SCMH1: variants seen among roughly 807,000 people sequenced by gnomAD.
SCMH1 encodes the protein polycomb protein SCMH1.
Under a neutral mutation model 70.8 loss-of-function variants are expected in SCMH1, and 37 were observed. The observed-to-expected ratio is 0.52, with a 90% CI of 0.40 to 0.69. The LOEUF (loss-of-function observed/expected upper bound fraction) is 0.69. Among genes scored for constraint, SCMH1 ranks in the 30% least tolerant of loss-of-function variants. The pLI is 0.00. For synonymous variants in SCMH1, 292 were observed against 307.4 expected (o/e 0.95, Z 0.52); for missense variants, 607 against 827.3 (o/e 0.73, Z 3.27).
chr1:41,085,251 A>C lies in SCMH1; in HGVS notation c.746-9800T>G, dbSNP rs541337378. On this transcript the variant is annotated intron_variant, in intron 8 of 14. Transcript: ENST00000337495. ...AAAGATAATTCAATATTAGGAAATC[A>C]ATCAACAGACCTTATTAATAGGTCT... Among the ~76,000 whole-genome samples the C allele has an allele frequency of 1.4e-4, 21 of 152,248 alleles. No homozygotes were observed. In the South Asian group the frequency reaches 4.3e-3, roughly 32 times the overall value.
intron 8 of SCMH1, among the ~76,000 whole-genome samples, chr1:41,101,384 C>G (rs541471475): frequency 6.6e-6 from 1 of 152,116 alleles, no homozygotes; most frequent in Non-Finnish European, 1.5e-5. Context: ...AGCCCCAGCA[C>G]TCTAAGACTC....
At chr1:41,072,936 G>C (rs1053047395) in intron 9 of SCMH1, among the ~76,000 whole-genome samples, 3 of 152,156 alleles carry the variant, frequency 2.0e-5, no homozygotes, top group African/African-American at 7.2e-5. Context: ...TACACTTGTA[G>C]GGGTAGGCAA....
At chr1:41,210,488 T>C (rs577122511) in intron 1 of SCMH1, among the ~76,000 whole-genome samples, 1 of 152,160 alleles carries the variant, frequency 6.6e-6, no homozygotes, top group Non-Finnish European at 1.5e-5. Flanking sequence ...CAAAACAGCA[T>C]GGTACTGGTA....
chr1:41,094,570 G>C (rs561306713), intron 8 of SCMH1, among the ~76,000 whole-genome samples: 1 of 152,044 alleles, frequency 6.6e-6, no homozygotes, highest in African/African-American at 2.4e-5. Context: ...CTCCCTCTTA[G>C]TGGTAGATAA....
intron 6 of SCMH1, among the ~76,000 whole-genome samples, chr1:41,128,782 A>G (rs1673876867): frequency 6.6e-6 from 1 of 152,058 alleles, no homozygotes; most frequent in Non-Finnish European, 1.5e-5. Context: ...CTCCAGTTAT[A>G]TATGTTATAG....
chr1:41,224,819 C>T (rs1292123145), intron 1 of SCMH1, among the ~76,000 whole-genome samples: 1 of 152,140 alleles, frequency 6.6e-6, no homozygotes, highest in Non-Finnish European at 1.5e-5. Flanking sequence ...CCTCACAATT[C>T]TGCAGGGTAC....
chr1:41,046,125 G>C (rs985535573), intron 12 of SCMH1, among the ~76,000 whole-genome samples: 1 of 152,208 alleles, frequency 6.6e-6, no homozygotes, highest in African/African-American at 2.4e-5. Flanking sequence ...TCCACATGCA[G>C]TCTGAAACTC....
Position 41,151,468 on chromosome 1 carries a change from T to A in SCMH1, c.177+146A>T, listed in dbSNP as rs897110870. On this transcript the variant is annotated intron_variant, in intron 5 of 14. Coordinates refer to ENST00000337495, the Ensembl canonical transcript of SCMH1. ...AAAACTCACAGTGACCAAATTTTAC[T>A]TCTTGAGCTGTGTTCTTCCCATAGA... 1.8e-5 allele frequency: 9 copies of A among 509,438 alleles called. No individual in the cohort carries two copies. In the East Asian group the frequency reaches 2.9e-4, roughly 17 times the overall value. 31.6% of individuals were successfully genotyped at this position (509,438 alleles called of 1,614,324 possible).
chr1:41,176,585 G>A (rs533985267), intron 2 of SCMH1, among the ~76,000 whole-genome samples: 24 of 152,284 alleles, frequency 1.6e-4, no homozygotes, highest in African/African-American at 4.6e-4. Context: ...CTTAGCAAAC[G>A]GCACACCAGG....
chr1:41,069,658 T>C (rs1655805251), intron 10 of SCMH1, among the ~76,000 whole-genome samples: 1 of 152,226 alleles, frequency 6.6e-6, no homozygotes. Context: ...TTTGGACTAA[T>C]CCTATCATTG....
intron 6 of SCMH1, among the ~76,000 whole-genome samples, chr1:41,127,145 T>C (rs868660170): frequency 5.3e-5 from 8 of 152,214 alleles, no homozygotes; most frequent in Admixed American, 4.6e-4. Context: ...CTGAGGACCA[T>C]TTGTATATCT....
chr1:41,058,467 G>A (rs576459378), intron 10 of SCMH1, among the ~76,000 whole-genome samples: 17 of 125,022 alleles, frequency 1.4e-4, no homozygotes, highest in African/African-American at 4.3e-4. Context: ...TGCAACCTCC[G>A]CCTCCTGGGT....
intron 10 of SCMH1, among the ~76,000 whole-genome samples, chr1:41,060,874 T>C (rs533033083): frequency 1.3e-5 from 2 of 152,256 alleles, no homozygotes; most frequent in South Asian, 4.2e-4. Flanking sequence ...TGCCAAGACC[T>C]TGTTGCCAAG....
chr1:41,219,847 C>T (rs946636671), intron 1 of SCMH1, among the ~76,000 whole-genome samples: 1 of 151,830 alleles, frequency 6.6e-6, no homozygotes, highest in African/African-American at 2.4e-5. Flanking sequence ...AGGAGAATCT[C>T]TTGAACCTGG....
intron 1 of SCMH1, among the ~76,000 whole-genome samples, chr1:41,199,484 A>C (rs572973904): frequency 3.3e-5 from 5 of 152,154 alleles, no homozygotes; most frequent in Non-Finnish European, 7.3e-5. Flanking sequence ...TGTTTTTATT[A>C]CTTAACTTAA....
intron 6 of SCMH1, among the ~76,000 whole-genome samples, chr1:41,126,500 C>T (rs779208943): frequency 3.3e-5 from 5 of 152,098 alleles, no homozygotes; most frequent in Non-Finnish European, 7.4e-5. Context: ...CCAAGACATG[C>T]CTAATGGGTG....
intron 4 of SCMH1, among the ~76,000 whole-genome samples, chr1:41,160,167 G>A (rs1172227462): frequency 6.6e-6 from 1 of 152,084 alleles, no homozygotes; most frequent in Non-Finnish European, 1.5e-5. Flanking sequence ...TAATAATAGA[G>A]CTAAATAAAT....
chr1:41,136,750 A>AT (rs1319721394), intron 6 of SCMH1, among the ~76,000 whole-genome samples: 3 of 116,254 alleles, frequency 2.6e-5, no homozygotes, highest in Non-Finnish European at 5.6e-5. Context: ...TTTCATGGAC[A>AT]TTTTTTCTCC....
At chr1:41,131,287 C>T (rs1207661833) in intron 6 of SCMH1, among the ~76,000 whole-genome samples, 1 of 152,166 alleles carries the variant, frequency 6.6e-6, no homozygotes, top group Non-Finnish European at 1.5e-5. Flanking sequence ...GTCTTCAGTA[C>T]TATAGCTTTG....
Sources: allele counts gnomAD v4.1 joint callset (sites outside exome capture counted in the v4.1 genomes callset), GRCh38; gene constraint gnomAD v4.1.1; transcripts MANE v1.5; gene names NCBI Gene and HGNC (gene_info 2026-07-23, HGNC 2026-07-21).